Variants in GREM2 observed in about 807,000 individuals in gnomAD.
GREM2 encodes the protein gremlin-2.
GREM2 carries 11 observed loss-of-function variants against 14.2 expected under a neutral mutation model. The observed-to-expected ratio is 0.78, with a 90% CI of 0.49 to 1.28. The LOEUF is 1.28. Ranked by LOEUF, GREM2 falls within the 50% of genes most tolerant of loss-of-function variation. GREM2 has a pLI of 0.00. For missense variants in GREM2, 210 were observed against 218.5 expected (o/e 0.96, Z 0.24); for synonymous variants, 98 against 97.6 (o/e 1.00, Z -0.02).
chr1:240,594,840 C>A (rs1371544471), intron 1 of GREM2, among the ~76,000 whole-genome samples: 1 of 152,028 alleles, frequency 6.6e-6, no homozygotes, highest in African/African-American at 2.4e-5. Flanking sequence ...ACACAAAACA[C>A]CTTGCCTATA....
chr1:240,539,228 T>G (rs186159956), intron 1 of GREM2, among the ~76,000 whole-genome samples: 204 of 152,338 alleles, frequency 1.3e-3, no homozygotes, highest in Non-Finnish European at 1.2e-3. Flanking sequence ...ACATGCCAAA[T>G]TGGTCAAAAC....
chr1:240,547,361 G>T (rs549293927), intron 1 of GREM2, among the ~76,000 whole-genome samples: 6 of 151,578 alleles, frequency 4.0e-5, no homozygotes, highest in African/African-American at 1.5e-4. Flanking sequence ...TTAGCCAGGC[G>T]TGGTGGCGGG....
intron 1 of GREM2, among the ~76,000 whole-genome samples, chr1:240,534,902 G>A (rs1443494930): frequency 6.6e-6 from 1 of 152,004 alleles, no homozygotes; most frequent in Non-Finnish European, 1.5e-5. Flanking sequence ...ATTTGGTGAC[G>A]CCAGATACTT....
intron 1 of GREM2, among the ~76,000 whole-genome samples, chr1:240,494,731 C>T (rs528337006): frequency 2.2e-4 from 34 of 152,036 alleles, no homozygotes; most frequent in Non-Finnish European, 4.1e-4. Flanking sequence ...GAAACCCTGT[C>T]TCTACTAAAA....
At chr1:240,579,065 C>T (rs1479792759) in intron 1 of GREM2, among the ~76,000 whole-genome samples, 1 of 152,146 alleles carries the variant, frequency 6.6e-6, no homozygotes, top group Non-Finnish European at 1.5e-5. Flanking sequence ...CTCTCATTGT[C>T]AGGTCATTCT....
chr1:240,547,552 G>GATAGATAGATAT, intron 1 of GREM2, among the ~76,000 whole-genome samples: 1 of 146,734 alleles, frequency 6.8e-6, no homozygotes, highest in African/African-American at 2.5e-5. Flanking sequence ...TAGATAGATA[G>GATAGATAGATAT]ATAGACAGAT....
intron 1 of GREM2, among the ~76,000 whole-genome samples, chr1:240,549,106 C>T (rs1471426912): frequency 8.6e-5 from 13 of 152,022 alleles, no homozygotes; most frequent in Non-Finnish European, 1.8e-4. Flanking sequence ...GAGGCCAAGG[C>T]GGGTGGATCA....
chr1:240,495,090 T>A (rs2103269950), intron 1 of GREM2, among the ~76,000 whole-genome samples: 1 of 152,366 alleles, frequency 6.6e-6, no homozygotes, highest in South Asian at 2.1e-4. Context: ...AAAGTCTGAC[T>A]AAAGTGAAAG....
intron 1 of GREM2, among the ~76,000 whole-genome samples, chr1:240,538,511 G>C (rs761706087): frequency 6.6e-6 from 1 of 151,872 alleles, no homozygotes; most frequent in Non-Finnish European, 1.5e-5. Context: ...AGACCAGCCT[G>C]GGCAACATAG....
At chr1:240,564,988 G>A (rs1215392055) in intron 1 of GREM2, among the ~76,000 whole-genome samples, 1 of 152,148 alleles carries the variant, frequency 6.6e-6, no homozygotes, top group African/African-American at 2.4e-5. Context: ...CTTCCTTTTT[G>A]TCAGAGTTAC....
intron 1 of GREM2, among the ~76,000 whole-genome samples, chr1:240,544,060 T>G (rs1040464656): frequency 3.9e-5 from 6 of 152,134 alleles, no homozygotes; most frequent in African/African-American, 1.2e-4. Context: ...AATGAAGTGA[T>G]GTATAGACAC....
intron 1 of GREM2, among the ~76,000 whole-genome samples, chr1:240,558,656 T>C (rs1678990559): frequency 6.6e-6 from 1 of 152,112 alleles, no homozygotes; most frequent in Non-Finnish European, 1.5e-5. Flanking sequence ...GGACGCCCTG[T>C]GATTGGTTAG....
At chr1:240,548,060 G>A (rs1280257265) in intron 1 of GREM2, among the ~76,000 whole-genome samples, 7 of 150,734 alleles carry the variant, frequency 4.6e-5, no homozygotes, top group East Asian at 3.9e-4. Flanking sequence ...TCAGGAGTTC[G>A]AGACCAACCT....
intron 1 of GREM2, among the ~76,000 whole-genome samples, chr1:240,527,343 C>T (rs561278644): frequency 1.3e-5 from 2 of 152,232 alleles, no homozygotes; most frequent in East Asian, 1.9e-4. Context: ...TAAAATAATA[C>T]TGCATAAAGA....
At chr1:240,556,811 A>G (rs1206779602) in intron 1 of GREM2, among the ~76,000 whole-genome samples, 3 of 152,206 alleles carry the variant, frequency 2.0e-5, no homozygotes, top group African/African-American at 7.2e-5. Context: ...AAAAATGCAA[A>G]ACAGGAGAAA....
At chr1:240,580,906 C>T (rs1192256054) in intron 1 of GREM2, among the ~76,000 whole-genome samples, 2 of 152,102 alleles carry the variant, frequency 1.3e-5, no homozygotes, top group East Asian at 1.9e-4. Flanking sequence ...TTAATATGAA[C>T]ATTTGTGTTT....
intron 1 of GREM2, among the ~76,000 whole-genome samples, chr1:240,563,343 T>C (rs1475345301): frequency 6.6e-6 from 1 of 152,196 alleles, no homozygotes; most frequent in African/African-American, 2.4e-5. Flanking sequence ...AATGCAATGC[T>C]CCTCAGGCTA....
At chr1:240,528,897 A>T (rs989799832) in intron 1 of GREM2, among the ~76,000 whole-genome samples, 1 of 152,150 alleles carries the variant, frequency 6.6e-6, no homozygotes, top group Non-Finnish European at 1.5e-5. Context: ...GTGGTTTTCC[A>T]TCTCTGTCTC....
At chr1:240,546,254 T>C (rs1678713440) in intron 1 of GREM2, among the ~76,000 whole-genome samples, 1 of 151,764 alleles carries the variant, frequency 6.6e-6, no homozygotes, top group South Asian at 2.1e-4. Flanking sequence ...CAGGAGAATC[T>C]CTTAAACCTG....
Sources: gnomAD v4.1 joint callset for allele counts (sites outside exome capture counted in the v4.1 genomes callset) on GRCh38, gnomAD v4.1.1 for gene constraint, MANE v1.5 for transcripts, NCBI Gene and HGNC (gene_info 2026-07-23, HGNC 2026-07-21) for gene names.